Variants in HPCA observed in about 807,000 individuals in gnomAD.
The protein encoded by HPCA is hippocalcin.
HPCA carries 4 observed loss-of-function variants against 18.2 expected under a neutral mutation model. The ratio of observed to expected loss-of-function variants is 0.22; its 90% confidence interval spans 0.11 to 0.50. The LOEUF is 0.50. Among genes scored for constraint, HPCA ranks in the 20% least tolerant of loss-of-function variants. The pLI is 0.97. For synonymous variants in HPCA, 93 were observed against 103.5 expected (o/e 0.90, Z 0.61); for missense variants, 161 against 265.8 (o/e 0.61, Z 2.74).
chr1:32,893,935 G>T lies in HPCA; in HGVS notation c.*73G>T. 3 of 1,132,212 alleles carry T rather than the reference G, an allele frequency of 2.6e-6. No homozygotes were observed. Among genetic ancestry groups the T allele is most frequent in the Non-Finnish European group, 3.9e-6 (3 of 777,272 alleles). The allele number at this position is 1,132,212 out of a possible 1,614,324, so 70.1% of individuals were successfully genotyped here. A position where few individuals can be genotyped will look rare whatever the true frequency, so the allele number is the denominator to read the frequency against. On this transcript the variant is annotated 3_prime_UTR_variant, in exon 4 of 4. Coordinates refer to ENST00000373467, the MANE Select transcript of HPCA (RefSeq NM_002143.3). The surrounding 1 kb of genome is among the most constrained non-coding windows in gnomAD (Gnocchi z 7.5). ...GCTCTTAGCTTCCACTCCCTTGTGT[G>T]TATTCTGGCTGGGGGCCAGATTGGG...
Position 32,889,852 on chromosome 1 carries a change from A to C in HPCA, c.378+576A>C, listed in dbSNP as rs1641426800. Among the ~76,000 whole-genome samples, 1 of 152,152 alleles carries C rather than the reference A, an allele frequency of 6.6e-6. No individual in the cohort carries two copies. The highest frequency in any genetic ancestry group is 1.5e-5 in the Non-Finnish European group (1 of 68,036). ...CCTCATCCTTTCTTTATCTTTTATG[A>C]ATTGACATTTCTGCAGAGCACAGTC... On this transcript the variant is annotated intron_variant, in intron 2 of 3. Transcript: ENST00000373467. The surrounding 1 kb of genome is among the most constrained non-coding windows in gnomAD (Gnocchi z 4.6).
rs1641424783 is a variant in HPCA at position 32,889,695 on chromosome 1, A to C, written c.378+419A>C. On this transcript the variant is annotated intron_variant, in intron 2 of 3. Transcript: ENST00000373467. The surrounding 1 kb of genome is among the most constrained non-coding windows in gnomAD (Gnocchi z 4.6). ...TAACATAGAAACAATGCTATTATCT[A>C]ATCTACCAACCATATTCCAATTTTG... is the stretch of plus-strand genomic sequence containing the variant. Among the ~76,000 whole-genome samples the C allele has an allele frequency of 2.0e-5, 3 of 152,230 alleles. No homozygotes were observed. Among genetic ancestry groups the C allele is most frequent in the South Asian group, 2.1e-4 (1 of 4,834 alleles).
chr1:32,889,397 C>A lies in HPCA; in HGVS notation c.378+121C>A. ...GGTGGCAGGGGATATTCTTGCAATC[C>A]CATTTTAAAAATTGTTTTTAGGAAA... On this transcript the variant is annotated intron_variant, in intron 2 of 3. Transcript: ENST00000373467. This position sits in a 1 kb window ranked among gnomAD's most constrained non-coding sequence, Gnocchi z 4.6. 2 of 1,132,590 alleles carry A rather than the reference C, an allele frequency of 1.8e-6. No individual in the cohort carries two copies. Among genetic ancestry groups the A allele is most frequent in the South Asian group, 3.4e-5 (2 of 59,222 alleles). The allele number at this position is 1,132,590 out of a possible 1,614,324, so 70.2% of individuals were successfully genotyped here.
Position 32,894,051 on chromosome 1 carries a change from A to T in HPCA, c.*189A>T, listed in dbSNP as rs1641521604. On this transcript the variant is annotated 3_prime_UTR_variant, in exon 4 of 4. Transcript: ENST00000373467. The stretch of plus-strand genomic sequence containing the variant: ...AGGCCAAAGCAAGTAAGCGGTTAGC[A>T]CCCCCCAATCCCAGAGGCAACAATA... 1.4e-5 allele frequency: 8 copies of T among 580,952 alleles called. No individual in the cohort carries two copies. Among genetic ancestry groups the T allele is most frequent in the Non-Finnish European group, 2.1e-5 (7 of 325,764 alleles). 36.0% of individuals were successfully genotyped at this position (580,952 alleles called of 1,614,324 possible).
intron 1 of HPCA, among the ~76,000 whole-genome samples, chr1:32,887,651 C>T (rs1249657358): frequency 6.6e-6 from 1 of 152,162 alleles, no homozygotes; most frequent in Admixed American, 6.5e-5. Flanking sequence ...TTGCAGCTCC[C>T]TCTCCTGGGA....
intron 2 of HPCA, among the ~76,000 whole-genome samples, chr1:32,891,581 C>T (rs1485962309): frequency 6.6e-6 from 1 of 152,194 alleles, no homozygotes; most frequent in Non-Finnish European, 1.5e-5. Context: ...ATATGAGCTG[C>T]TGTTTACTGA....
Position 32,893,013 on chromosome 1 carries a change from T to G in HPCA, c.379-511T>G, listed in dbSNP as rs889175274. Among the ~76,000 whole-genome samples the G allele has an allele frequency of 7.3e-5, 11 of 151,724 alleles. No homozygotes were observed. The highest frequency in any genetic ancestry group is 2.0e-4 in the Admixed American group (3 of 15,230). ...CCGCCCCTCTGGGCCCAGCTGCCTC[T>G]GGCCCTCCAGCCCGCGCCGCGCCCC... On this transcript the variant is annotated intron_variant, in intron 2 of 3. Coordinates refer to ENST00000373467, the MANE Select transcript of HPCA (RefSeq NM_002143.3). This position sits in a 1 kb window ranked among gnomAD's most constrained non-coding sequence, Gnocchi z 7.5.
rs1641517092 is a variant in HPCA, at chr1:32,893,915, T to C, written c.*53T>C. The C allele has an allele frequency of 1.6e-6, 2 of 1,231,488 alleles. No homozygotes were observed. The highest frequency in any genetic ancestry group is 2.3e-6 in the Non-Finnish European group (2 of 860,450). The allele number at this position is 1,231,488 out of a possible 1,614,324, so 76.3% of individuals were successfully genotyped here. Reference sequence around the variant, plus strand: ...CCTTCACCGGCCCCCTCCCGGCTCTTAGCTTCCACTCCCTTGTGTGTATTC... The same window carrying C: ...CCTTCACCGGCCCCCTCCCGGCTCTCAGCTTCCACTCCCTTGTGTGTATTC... On this transcript the variant is annotated 3_prime_UTR_variant, in exon 4 of 4. Transcript: ENST00000373467. This position sits in a 1 kb window ranked among gnomAD's most constrained non-coding sequence, Gnocchi z 7.5.
At chr1:32,886,432 C>G (rs529534117), upstream of HPCA, 1,231 of 152,098 alleles carry the variant, frequency 8.1e-3, 5 homozygotes, top group African/African-American at 0.013. This position sits in a 1 kb window ranked among gnomAD's most constrained non-coding sequence, Gnocchi z 7.0. Context: ...CCCTCGCAGT[C>G]CCGCCCGCCC....
At position 32,894,217 on chromosome 1, in the gene HPCA, G is replaced by C; in HGVS notation, c.*355G>C. The stretch of plus-strand genomic sequence containing the variant: ...GGGGTGGGGGGAGTCATGCCCAGGG[G>C]AGGAGACTTTTTATCTGGAGGGGAG... On this transcript the variant is annotated 3_prime_UTR_variant, in exon 4 of 4. Transcript: ENST00000373467. 1 of 276,436 alleles carries C rather than the reference G, an allele frequency of 3.6e-6. No homozygotes were observed. Among genetic ancestry groups the C allele is most frequent in the African/African-American group, 2.2e-5 (1 of 46,108 alleles). The allele number at this position is 276,436 out of a possible 1,614,324, so 17.1% of individuals were successfully genotyped here. A position where few individuals can be genotyped will look rare whatever the true frequency, so the allele number is the denominator to read the frequency against.
chr1:32,891,856 C>T (rs953667897), intron 2 of HPCA, among the ~76,000 whole-genome samples: 12 of 152,130 alleles, frequency 7.9e-5, no homozygotes, highest in Non-Finnish European at 1.6e-4. Flanking sequence ...ATGCTAAAGG[C>T]CCTGCTGATT....
At position 32,889,093 on chromosome 1, in the gene HPCA, C is replaced by A. The variant is rs190500642; in HGVS notation, c.195C>A (p.Ala65=). Residue 65 remains alanine (A), a synonymous_variant, in exon 2 of 4, where the codon GCC becomes GCA. Transcript: ENST00000373467. This position sits in a 1 kb window ranked among gnomAD's most constrained non-coding sequence, Gnocchi z 4.6. ...FFPYGDASKF[A]EHVFRTFDTN... is the part of the protein sequence containing the mutation. Reference sequence around the variant, plus strand: ...CCTATGGTGACGCCTCCAAGTTTGCCGAGCACGTCTTCCGCACCTTTGACA... The same window carrying A: ...CCTATGGTGACGCCTCCAAGTTTGCAGAGCACGTCTTCCGCACCTTTGACA... The A allele has an allele frequency of 6.2e-7, 1 of 1,614,232 alleles. No individual in the cohort carries two copies. Among genetic ancestry groups the A allele is most frequent in the African/African-American group, 1.3e-5 (1 of 75,056 alleles).
At chr1:32,888,095 G>A (rs1473087962) in intron 1 of HPCA, among the ~76,000 whole-genome samples, 1 of 152,162 alleles carries the variant, frequency 6.6e-6, no homozygotes, top group East Asian at 1.9e-4. Flanking sequence ...ACTTATCTAT[G>A]CAGCCATGGT....
intron 1 of HPCA, among the ~76,000 whole-genome samples, chr1:32,888,212 C>A (rs1276890317): frequency 1.3e-5 from 2 of 152,186 alleles, no homozygotes; most frequent in African/African-American, 4.8e-5. Flanking sequence ...GTTTAAGGAA[C>A]TTGCCCAAGG....
In HPCA at chr1:32,893,872, G is replaced by C. The variant is rs567585783; in HGVS notation, c.*10G>C. Reference sequence around the variant, plus strand: ...CGCCTCCCAGTTCTGAGAGGAGCCAGGTTCCCCTTCCTCCCTCCCTTCACC... The same window carrying C: ...CGCCTCCCAGTTCTGAGAGGAGCCACGTTCCCCTTCCTCCCTCCCTTCACC... On this transcript the variant is annotated 3_prime_UTR_variant, in exon 4 of 4. Coordinates refer to ENST00000373467, the MANE Select transcript of HPCA (RefSeq NM_002143.3). The surrounding 1 kb of genome is among the most constrained non-coding windows in gnomAD (Gnocchi z 7.5). 1.4e-5 allele frequency: 21 copies of C among 1,545,528 alleles called. No individual in the cohort carries two copies. The South Asian group carries it at 2.4e-4, about 17-fold the overall frequency.
chr1:32,889,283 C>A lies in HPCA; in HGVS notation c.378+7C>A, dbSNP rs1289298723. The A allele has an allele frequency of 1.9e-6, 3 of 1,602,768 alleles. No individual in the cohort carries two copies. Among genetic ancestry groups the A allele is most frequent in the Non-Finnish European group, 2.6e-6 (3 of 1,173,022 alleles). On this transcript the variant is annotated splice_region_variant and intron_variant, in intron 2 of 3. Coordinates refer to ENST00000373467, the MANE Select transcript of HPCA (RefSeq NM_002143.3). The surrounding 1 kb of genome is among the most constrained non-coding windows in gnomAD (Gnocchi z 4.6). ...GATGCTGGAGATCGTGCAGGTGGGC[C>A]CCTGGGCCCCTCAGAATGCCAGGCA...
At position 32,888,843 on chromosome 1, in the gene HPCA, A is replaced by C. The variant is rs1478910355; in HGVS notation, c.-21-35A>C. 1.9e-6 allele frequency: 3 copies of C among 1,550,474 alleles called. No individual in the cohort carries two copies. The African/African-American group carries it at 4.1e-5, about 21-fold the overall frequency. ...GTCTAGTAGCCAGGAGGGCCTGATC[A>C]CTCCTCTCTGCCCTTGACCCCCTTG... On this transcript the variant is annotated intron_variant, in intron 1 of 3. Coordinates refer to ENST00000373467, the MANE Select transcript of HPCA (RefSeq NM_002143.3).
rs990978923 is a variant in HPCA, at chr1:32,893,897, C to T, written c.*35C>T. The T allele has an allele frequency of 5.0e-6, 7 of 1,405,190 alleles. 1 individual carries two copies. In the South Asian group the frequency reaches 7.4e-5, roughly 15 times the overall value. 87.0% of individuals were successfully genotyped at this position (1,405,190 alleles called of 1,614,324 possible). On this transcript the variant is annotated 3_prime_UTR_variant, in exon 4 of 4. Coordinates refer to ENST00000373467, the MANE Select transcript of HPCA (RefSeq NM_002143.3). This position sits in a 1 kb window ranked among gnomAD's most constrained non-coding sequence, Gnocchi z 7.5. ...GGTTCCCCTTCCTCCCTCCCTTCAC[C>T]GGCCCCCTCCCGGCTCTTAGCTTCC...
intron 2 of HPCA, among the ~76,000 whole-genome samples, chr1:32,890,557 G>T (rs1254987245): frequency 6.6e-6 from 1 of 152,198 alleles, no homozygotes; most frequent in Non-Finnish European, 1.5e-5. Flanking sequence ...GCATATAATT[G>T]GTACTTGGTA....
Sources: allele counts gnomAD v4.1 joint callset (sites outside exome capture counted in the v4.1 genomes callset), GRCh38; gene constraint gnomAD v4.1.1; non-coding constraint Gnocchi (gnomAD v3.1); transcripts MANE v1.5; gene names NCBI Gene and HGNC (gene_info 2026-07-23, HGNC 2026-07-21).